The following MAF variants were observed in gnomAD, a reference collection of about 807,000 sequenced individuals.
The protein encoded by MAF is transcription factor Maf.
In MAF, 10 loss-of-function variants were observed where a neutral mutation model predicts 22.0. The ratio of observed to expected loss-of-function variants is 0.45; its 90% CI spans 0.28 to 0.77. MAF has a LOEUF of 0.77. MAF is among the 30% of genes least tolerant of loss of function. The pLI, the probability that MAF is intolerant of heterozygous loss-of-function variation, is 0.12. For synonymous variants in MAF, 337 were observed against 255.8 expected, an observed-to-expected ratio of 1.32 and a Z score of -3.03; for missense variants, 544 against 548.4, an observed-to-expected ratio of 0.99 and a Z score of 0.08.
the MAF span, among the ~76,000 whole-genome samples, chr16:79,555,826 A>T: frequency 1.3e-5 from 2 of 152,192 alleles, no homozygotes; most frequent in African/African-American, 2.4e-5. Context: ...TACCAAACAG[A>T]TAACACAGAT....
chr16:79,278,547 G>A, the MAF span, among the ~76,000 whole-genome samples: 1 of 152,162 alleles, frequency 6.6e-6, no homozygotes, highest in Admixed American at 6.5e-5. Flanking sequence ...AGAGGCCCTT[G>A]ACTTTCAAAG....
chr16:79,361,311 G>C, the MAF span, among the ~76,000 whole-genome samples: 1 of 152,096 alleles, frequency 6.6e-6, no homozygotes, highest in East Asian at 1.9e-4. Flanking sequence ...CCCTCCTCTA[G>C]GTGTACCCAG....
the MAF span, among the ~76,000 whole-genome samples, chr16:79,353,524 C>T: frequency 2.2e-4 from 34 of 152,292 alleles, no homozygotes; most frequent in East Asian, 5.4e-3. Context: ...AATATGATCT[C>T]CGTATCAGGG....
chr16:79,335,613 A>T, the MAF span, among the ~76,000 whole-genome samples: 1 of 152,270 alleles, frequency 6.6e-6, no homozygotes, highest in South Asian at 2.1e-4. Flanking sequence ...GCAGAGAAGC[A>T]GGCAGGGACC....
chr16:79,256,453 G>C, the MAF span, among the ~76,000 whole-genome samples: 1 of 152,046 alleles, frequency 6.6e-6, no homozygotes. Flanking sequence ...GGCACATTCA[G>C]GACTCATACT....
the MAF span, among the ~76,000 whole-genome samples, chr16:79,352,157 C>A: frequency 2.6e-5 from 4 of 152,048 alleles, no homozygotes; most frequent in Admixed American, 2.6e-4. Context: ...TGCCAAGAAG[C>A]GGAGGAAGCC....
chr16:79,339,726 C>G, the MAF span, among the ~76,000 whole-genome samples: 1 of 152,148 alleles, frequency 6.6e-6, no homozygotes, highest in East Asian at 1.9e-4. Context: ...ATGCAGTACA[C>G]CAGCTTTGCA....
rs56725107 is a variant in MAF at position 79,598,467 on chromosome 16, A to C, written c.1118+318T>G. 264 of 1,300,724 alleles carry C rather than the reference A, an allele frequency of 2.0e-4. 1 individual carries two copies. In the African/African-American group the frequency reaches 3.8e-3, roughly 19 times the overall value. 80.6% of individuals were successfully genotyped at this position (1,300,724 alleles called of 1,614,324 possible). On this transcript the variant is annotated intron_variant, in intron 1 of 1. Transcript: ENST00000326043. ...GGGCGGGGGGGTGTAAAAAAAAAAA[A>C]AAAACAAGCTAGCAAGTTATGGAGA...
chr16:79,416,633 A>C, the MAF span, among the ~76,000 whole-genome samples: 10 of 152,204 alleles, frequency 6.6e-5, no homozygotes, highest in African/African-American at 2.2e-4. Flanking sequence ...AATAGAAAGG[A>C]AAGACGTGAC....
intron 1 of MAF, among the ~76,000 whole-genome samples, chr16:79,588,780 C>G (rs1197007474): frequency 1.3e-5 from 2 of 152,048 alleles, no homozygotes; most frequent in African/African-American, 4.8e-5. Context: ...CTTTTAATAG[C>G]TTGCCCCCTC....
At chr16:79,571,804 TGCTTTTCA>T in the MAF span, among the ~76,000 whole-genome samples, 1 of 152,150 alleles carries the variant, frequency 6.6e-6, no homozygotes, top group African/African-American at 2.4e-5. Context: ...ATGCTGGAAA[TGCTTTTCA>T]GCCACGTTGA....
the MAF span, among the ~76,000 whole-genome samples, chr16:79,318,492 G>C: frequency 2.6e-5 from 4 of 152,190 alleles, no homozygotes. Context: ...GAGCCAGACA[G>C]AATAGATTCA....
chr16:79,426,773 A>C, the MAF span, among the ~76,000 whole-genome samples: 1 of 152,262 alleles, frequency 6.6e-6, no homozygotes, highest in African/African-American at 2.4e-5. Context: ...TGGAAGGTTT[A>C]GACAAAGGGT....
At chr16:79,263,004 G>A in the MAF span, among the ~76,000 whole-genome samples, 717 of 152,238 alleles carry the variant, frequency 4.7e-3, 6 homozygotes, top group African/African-American at 0.016. Context: ...GCAGGAATTC[G>A]GAGACAGTCA....
the MAF span, among the ~76,000 whole-genome samples, chr16:79,484,104 A>AT: frequency 6.6e-6 from 1 of 152,176 alleles, no homozygotes; most frequent in Admixed American, 6.5e-5. Context: ...ATGGCACAGC[A>AT]CCCCTTGATG....
chr16:79,435,248 AC>A, the MAF span, among the ~76,000 whole-genome samples: 3 of 126,036 alleles, frequency 2.4e-5, no homozygotes, highest in East Asian at 2.8e-4. Flanking sequence ...GCGACTGTGC[AC>A]ACACACACAC....
At chr16:79,474,775 G>A in the MAF span, among the ~76,000 whole-genome samples, 3 of 152,190 alleles carry the variant, frequency 2.0e-5, no homozygotes, top group East Asian at 5.8e-4. Flanking sequence ...AGGCAAGAAG[G>A]GACCATCCCA....
At chr16:79,207,497 TG>T in the MAF span, among the ~76,000 whole-genome samples, 2 of 152,250 alleles carry the variant, frequency 1.3e-5, no homozygotes, top group Non-Finnish European at 2.9e-5. Flanking sequence ...CTCTACTTTT[TG>T]CATAAGTGGA....
chr16:79,256,953 C>T, the MAF span, among the ~76,000 whole-genome samples: 3 of 152,100 alleles, frequency 2.0e-5, no homozygotes, highest in Admixed American at 6.6e-5. Flanking sequence ...CCGAGGCGGG[C>T]AGATCACAAA....
Sources: gnomAD v4.1 joint callset for allele counts (sites outside exome capture counted in the v4.1 genomes callset) on GRCh38, gnomAD v4.1.1 for gene constraint, MANE v1.5 for transcripts, NCBI Gene and HGNC (gene_info 2026-07-23, HGNC 2026-07-21) for gene names.